The following FIGN variants were observed in gnomAD, a reference collection of about 807,000 sequenced individuals.
The protein encoded by FIGN is fidgetin.
In FIGN, 11 loss-of-function variants were observed where a neutral mutation model predicts 51.3. The ratio of observed to expected loss-of-function variants is 0.21; its 90% CI spans 0.13 to 0.35. FIGN has a LOEUF of 0.35. FIGN is among the 10% of genes least tolerant of loss of function. FIGN has a pLI of 1.00. For synonymous variants in FIGN, 407 were observed against 363.2 expected (o/e 1.12, Z -1.37); for missense variants, 857 against 943.6 (o/e 0.91, Z 1.20).
At chr2:163,643,587 T>G (rs1683336260) in intron 2 of FIGN, among the ~76,000 whole-genome samples, 1 of 139,878 alleles carries the variant, frequency 7.1e-6, no homozygotes, top group East Asian at 2.1e-4. Context: ...GGAGATGGAG[T>G]GGGTAGTGAG....
At chr2:163,668,357 C>T (rs980214857) in intron 2 of FIGN, among the ~76,000 whole-genome samples, 12 of 152,152 alleles carry the variant, frequency 7.9e-5, no homozygotes, top group African/African-American at 2.9e-4. Context: ...AACCAGGAGA[C>T]TGTGATCACC....
At chr2:163,621,741 G>A (rs1451314651) in intron 2 of FIGN, among the ~76,000 whole-genome samples, 3 of 152,130 alleles carry the variant, frequency 2.0e-5, no homozygotes, top group Non-Finnish European at 4.4e-5. Flanking sequence ...CAGTGTGAAC[G>A]ACGGTCCAGT....
At position 163,604,285 on chromosome 2, in the gene FIGN, T is replaced by C. The variant is rs1373250854; in HGVS notation, c.*5267A>G. Reference sequence around the variant, plus strand: ...TAGCCAGATTGCCAGTGTAAAATACTTGGGAATGCTAACACATTTCTCAGA... The same window carrying C: ...TAGCCAGATTGCCAGTGTAAAATACCTGGGAATGCTAACACATTTCTCAGA... On this transcript the variant is annotated 3_prime_UTR_variant, in exon 3 of 3. Coordinates refer to ENST00000333129, the MANE Select transcript of FIGN (RefSeq NM_018086.4). 2 of 152,216 alleles carry C rather than the reference T, an allele frequency of 1.3e-5. No individual in the cohort carries two copies. Among genetic ancestry groups the C allele is most frequent in the South Asian group, 2.1e-4 (1 of 4,830 alleles). 9.4% of individuals were successfully genotyped at this position (152,216 alleles called of 1,614,324 possible).
chr2:163,705,206 C>T (rs555431274), intron 2 of FIGN, among the ~76,000 whole-genome samples: 1 of 152,254 alleles, frequency 6.6e-6, no homozygotes, highest in Admixed American at 6.5e-5. Context: ...GTCCAACATT[C>T]CTCAGAGGTC....
At chr2:163,669,010 A>T (rs1683831680) in intron 2 of FIGN, among the ~76,000 whole-genome samples, 1 of 126,740 alleles carries the variant, frequency 7.9e-6, no homozygotes, top group South Asian at 2.3e-4. Context: ...ATTAAGAAAA[A>T]AAGGAATATA....
chr2:163,612,355 G>C (rs889628410), intron 2 of FIGN: 38 of 985,206 alleles, frequency 3.9e-5, no homozygotes, highest in East Asian at 1.1e-4. Context: ...TGAACACCTA[G>C]TTAGCACAGT....
chr2:163,735,025 A>C lies in FIGN; in HGVS notation c.-98T>G. The C allele has an allele frequency of 7.9e-7, 1 of 1,262,658 alleles. No individual in the cohort carries two copies. The highest frequency in any genetic ancestry group is 1.1e-6 in the Non-Finnish European group (1 of 877,616). 78.2% of individuals were successfully genotyped at this position (1,262,658 alleles called of 1,614,324 possible). On this transcript the variant is annotated 5_prime_UTR_variant, in exon 2 of 3. Transcript: ENST00000333129. ...AGCCACTTTTCCTCTCAGCTATCAA[A>C]TGTCACTGCCTTGAAACGTGGGCCC...
chr2:163,637,071 A>G (rs772170377), intron 2 of FIGN, among the ~76,000 whole-genome samples: 4 of 152,074 alleles, frequency 2.6e-5, no homozygotes, highest in Non-Finnish European at 5.9e-5. Flanking sequence ...ACAGTGAGAC[A>G]CCGTCTCAAA....
At chr2:163,624,708 A>ATATATATATT (rs564288395) in intron 2 of FIGN, among the ~76,000 whole-genome samples, 7 of 145,488 alleles carry the variant, frequency 4.8e-5, no homozygotes, top group African/African-American at 1.5e-4. Flanking sequence ...ATATATATAT[A>ATATATATATT]TTTTTTTTTT....
chr2:163,684,593 C>A (rs1211173073), intron 2 of FIGN, among the ~76,000 whole-genome samples: 1 of 152,134 alleles, frequency 6.6e-6, no homozygotes, highest in Admixed American at 6.5e-5. Context: ...ATCTAGTTTT[C>A]AGGTACATGT....
At position 163,611,941 on chromosome 2, in the gene FIGN, A is replaced by G. The variant is rs2105299892; in HGVS notation, c.26-135T>C. ...ATACTTTAAAAGATCTACACTGTTT[A>G]TAATACCTATTATGATCCCTATAAT... is the stretch of plus-strand genomic sequence containing the variant. On this transcript the variant is annotated intron_variant, in intron 2 of 2. Coordinates refer to ENST00000333129, the MANE Select transcript of FIGN (RefSeq NM_018086.4). The G allele has an allele frequency of 2.3e-5, 15 of 662,596 alleles. 1 individual carries two copies. The South Asian group carries it at 2.8e-4, about 13-fold the overall frequency. 41.0% of individuals were successfully genotyped at this position (662,596 alleles called of 1,614,324 possible).
intron 2 of FIGN, among the ~76,000 whole-genome samples, chr2:163,655,785 GCA>G (rs375367199): frequency 1.7e-4 from 24 of 143,866 alleles, no homozygotes; most frequent in Admixed American, 2.8e-4. Context: ...ACACACACAC[GCA>G]CACACACACA....
rs75699136 is a variant in FIGN, at chr2:163,659,802, G to C, written c.26-47996C>G. On this transcript the variant is annotated intron_variant, in intron 2 of 2. Transcript: ENST00000333129. ...GGTAGAGATTGTCACCAAAACATGTGGCATGTGCATAGTAAAGAGGCCAGG... is the reference window on the plus strand; with the variant it reads ...GGTAGAGATTGTCACCAAAACATGTCGCATGTGCATAGTAAAGAGGCCAGG... Among the ~76,000 whole-genome samples the C allele has an allele frequency of 6.7e-3, 1,019 of 152,242 alleles. 12 individuals carry two copies. Among genetic ancestry groups the C allele is most frequent in the African/African-American group, 0.023 (936 of 41,532 alleles).
intron 2 of FIGN, among the ~76,000 whole-genome samples, chr2:163,614,985 G>T (rs1417978681): frequency 6.6e-6 from 1 of 152,000 alleles, no homozygotes; most frequent in African/African-American, 2.4e-5. Flanking sequence ...ATTTCATAGG[G>T]TATTTTTGCA....
intron 2 of FIGN, among the ~76,000 whole-genome samples, chr2:163,634,079 C>T (rs991770211): frequency 4.0e-5 from 5 of 126,412 alleles, no homozygotes; most frequent in African/African-American, 5.7e-5. Flanking sequence ...CTTTTCTGTA[C>T]GTATGTATGC....
At chr2:163,710,228 G>A (rs1447915442) in intron 2 of FIGN, among the ~76,000 whole-genome samples, 1 of 152,126 alleles carries the variant, frequency 6.6e-6, no homozygotes, top group African/African-American at 2.4e-5. Context: ...TTAGGGATAA[G>A]GGTAGTCATC....
chr2:163,667,631 T>G (rs1683801952), intron 2 of FIGN, among the ~76,000 whole-genome samples: 1 of 152,222 alleles, frequency 6.6e-6, no homozygotes, highest in Non-Finnish European at 1.5e-5. Context: ...CCTTTCCCAT[T>G]GTTTACTTGA....
intron 2 of FIGN, among the ~76,000 whole-genome samples, chr2:163,644,719 T>C (rs1683356651): frequency 6.6e-6 from 1 of 152,146 alleles, no homozygotes; most frequent in Non-Finnish European, 1.5e-5. Flanking sequence ...AAAAGTCATA[T>C]CCACTGGAAA....
chr2:163,614,644 A>G (rs911897476), intron 2 of FIGN, among the ~76,000 whole-genome samples: 2 of 152,304 alleles, frequency 1.3e-5, no homozygotes, highest in Admixed American at 6.5e-5. Context: ...CAAATAATTT[A>G]GAAGTACAGG....
Sources: allele counts gnomAD v4.1 joint callset (sites outside exome capture counted in the v4.1 genomes callset), GRCh38; gene constraint gnomAD v4.1.1; transcripts MANE v1.5; gene names NCBI Gene and HGNC (gene_info 2026-07-23, HGNC 2026-07-21).